CFAP61: variants seen among roughly 807,000 people sequenced by gnomAD.
CFAP61 encodes the protein cilia and flagella associated protein 61.
CFAP61 carries 107 observed loss-of-function variants against 135.6 expected under a neutral mutation model. The ratio of observed to expected loss-of-function variants is 0.79; its 90% CI spans 0.67 to 0.93. CFAP61 has a LOEUF of 0.93. CFAP61 is among the 40% of genes least tolerant of loss of function. The pLI, the probability that CFAP61 is intolerant of heterozygous loss-of-function variation, is 0.00. For synonymous variants in CFAP61, 575 were observed against 578.5 expected, an observed-to-expected ratio of 0.99 and a Z score of 0.09; for missense variants, 1,507 against 1,556.2, an observed-to-expected ratio of 0.97 and a Z score of 0.53.
chr20:20,171,026 G>T (rs192987644), intron 13 of CFAP61, among the ~76,000 whole-genome samples: 1 of 152,268 alleles, frequency 6.6e-6, no homozygotes, highest in East Asian at 1.9e-4. Context: ...ACACAGAGAG[G>T]TTGAGTAACT....
At chr20:20,161,907 TA>T (rs11477887) in intron 10 of CFAP61, among the ~76,000 whole-genome samples, 137,152 of 152,090 alleles carry the variant, frequency 0.9, 62,661 homozygotes, top group Middle Eastern at 0.99. Context: ...GGCCTTGTAT[TA>T]AGTTTCTATT....
intron 25 of CFAP61, among the ~76,000 whole-genome samples, chr20:20,337,573 GATGGATAGAT>G (rs1329297521): frequency 0.01 from 20 of 1,912 alleles, no homozygotes; most frequent in South Asian, 0.062. Context: ...TGGATGGATG[GATGGATAGAT>G]GTGGGTGGAT....
At chr20:20,225,756 T>C (rs546974196) in intron 17 of CFAP61, among the ~76,000 whole-genome samples, 24 of 152,244 alleles carry the variant, frequency 1.6e-4, no homozygotes, top group Non-Finnish European at 3.1e-4. Context: ...GACCTGCGAT[T>C]AGATGCCATC....
chr20:20,340,910 G>T (rs2058419012), intron 25 of CFAP61, among the ~76,000 whole-genome samples: 2 of 152,200 alleles, frequency 1.3e-5, no homozygotes, highest in Admixed American at 1.3e-4. Flanking sequence ...CCCTAACACA[G>T]ACTCTCGGCG....
intron 9 of CFAP61, among the ~76,000 whole-genome samples, chr20:20,157,427 A>G (rs908127079): frequency 2.6e-5 from 4 of 152,246 alleles, no homozygotes; most frequent in African/African-American, 9.6e-5. Context: ...GCTAAGGTCA[A>G]CAGTAGGTTA....
intron 8 of CFAP61, among the ~76,000 whole-genome samples, chr20:20,101,668 C>T (rs574136436): frequency 4.0e-4 from 60 of 151,808 alleles, no homozygotes; most frequent in Non-Finnish European, 6.5e-4. Context: ...CTCTGTCACC[C>T]AGGTTGGAGT....
At chr20:20,322,657 G>C (rs111545583) in intron 25 of CFAP61, 31 of 985,058 alleles carry the variant, frequency 3.1e-5, no homozygotes, top group Middle Eastern at 5.2e-4. Context: ...TCCCATGGTG[G>C]TCTTCCAGCA....
chr20:20,052,679 G>A (rs1224262708), intron 1 of CFAP61, 88 bp downstream of exon 1: 1 of 1,613,036 alleles, frequency 6.2e-7, no homozygotes. Flanking sequence ...TCCGGAACTG[G>A]GATGACCAGG....
At chr20:20,312,937 C>T (rs1053595907) in intron 25 of CFAP61, among the ~76,000 whole-genome samples, 1 of 152,200 alleles carries the variant, frequency 6.6e-6, no homozygotes, top group African/African-American at 2.4e-5. Context: ...TTGAGTTATT[C>T]TGTATCTCAT....
At chr20:20,269,533 G>A (rs913828269) in intron 21 of CFAP61, among the ~76,000 whole-genome samples, 68 of 151,896 alleles carry the variant, frequency 4.5e-4, no homozygotes, top group African/African-American at 1.4e-3. Context: ...CACCATACCC[G>A]GCTAATTTTT....
chr20:20,339,080 T>G (rs1334343864), intron 25 of CFAP61, among the ~76,000 whole-genome samples: 1 of 152,202 alleles, frequency 6.6e-6, no homozygotes. Context: ...ATGATTTTTG[T>G]GGCATTGATG....
At chr20:20,135,598 T>G (rs2050862594) in intron 8 of CFAP61, among the ~76,000 whole-genome samples, 1 of 152,164 alleles carries the variant, frequency 6.6e-6, no homozygotes, top group African/African-American at 2.4e-5. Flanking sequence ...TGATGACAAC[T>G]TAACACTGAT....
At chr20:20,138,704 C>G (rs191574374) in intron 8 of CFAP61, among the ~76,000 whole-genome samples, 1 of 152,236 alleles carries the variant, frequency 6.6e-6, no homozygotes, top group East Asian at 1.9e-4. Context: ...TATGAAGGTG[C>G]TTTGTTGTGT....
chr20:20,297,019 C>A (rs979603434), intron 24 of CFAP61, among the ~76,000 whole-genome samples: 1 of 152,030 alleles, frequency 6.6e-6, no homozygotes, highest in African/African-American at 2.4e-5. Flanking sequence ...ACCCCACTTG[C>A]TCCTCCCTCA....
chr20:20,144,810 C>T (rs1359978681), intron 9 of CFAP61, among the ~76,000 whole-genome samples: 1 of 151,720 alleles, frequency 6.6e-6, no homozygotes, highest in Non-Finnish European at 1.5e-5. Context: ...AACAGAGAAA[C>T]AAAGATATGA....
intron 8 of CFAP61, among the ~76,000 whole-genome samples, chr20:20,109,590 C>T (rs1006858317): frequency 6.6e-6 from 1 of 152,174 alleles, no homozygotes; most frequent in South Asian, 2.1e-4. Context: ...CTCCCTTCCC[C>T]CTCTAACTAG....
chr20:20,197,606 A>C (rs6046722), intron 16 of CFAP61, among the ~76,000 whole-genome samples: 65,954 of 151,692 alleles, frequency 0.43, 14,659 homozygotes, highest in East Asian at 0.6. Context: ...CACACTCATG[A>C]GTTCACACAT....
At chr20:20,258,482 G>A (rs2051851458) in intron 20 of CFAP61, 2 of 152,138 alleles carry the variant, frequency 1.3e-5, no homozygotes, top group Admixed American at 1.3e-4. Flanking sequence ...GAGGGGCTCC[G>A]TCACTCCAGA....
intron 9 of CFAP61, among the ~76,000 whole-genome samples, chr20:20,149,350 A>G (rs1183736163): frequency 6.6e-6 from 1 of 152,254 alleles, no homozygotes; most frequent in African/African-American, 2.4e-5. Context: ...CAGATAGGAA[A>G]CAGGGCTGAC....
Sources: gnomAD v4.1 joint callset for allele counts (sites outside exome capture counted in the v4.1 genomes callset) on GRCh38, gnomAD v4.1.1 for gene constraint, MANE v1.5 for transcripts, NCBI Gene and HGNC (gene_info 2026-07-23, HGNC 2026-07-21) for gene names.